TTC9C: variants seen among roughly 807,000 people sequenced by gnomAD.
The protein encoded by TTC9C is tetratricopeptide repeat protein 9C.
Under a neutral mutation model 22.5 loss-of-function variants are expected in TTC9C, and 15 were observed. The ratio of observed to expected loss-of-function variants is 0.67; its 90% CI spans 0.45 to 1.03. TTC9C has a LOEUF of 1.03. Among genes scored for constraint, TTC9C ranks in the 50% least tolerant of loss-of-function variants. The pLI, the probability that TTC9C is intolerant of heterozygous loss-of-function variation, is 0.00. For synonymous variants in TTC9C, 92 were observed against 86.8 expected (o/e 1.06, Z -0.33); for missense variants, 244 against 214.6 (o/e 1.14, Z -0.86).
At chr11:62,733,128 G>C (rs1194703937) in intron 1 of TTC9C, 5 of 1,288,146 alleles carry the variant, frequency 3.9e-6, no homozygotes, top group Non-Finnish European at 5.1e-6. Flanking sequence ...TTGTGAAATA[G>C]GGAGTGTTTC....
intron 1 of TTC9C, among the ~76,000 whole-genome samples, chr11:62,734,277 G>A (rs751076704): frequency 4.0e-5 from 6 of 151,668 alleles, no homozygotes; most frequent in Admixed American, 1.3e-4. Flanking sequence ...CAGCCTGGGC[G>A]ACAGAGCGAG....
rs958270759 is a variant in TTC9C at position 62,729,054 on chromosome 11, C to A, written c.206C>A (p.Thr69Asn). 2.5e-6 allele frequency: 4 copies of A among 1,613,992 alleles called. No homozygotes were observed. The African/African-American group carries it at 5.3e-5, about 22-fold the overall frequency. The change falls in exon 1 of 3, where the codon ACC becomes AAC. Residue 69 changes from threonine to asparagine, a missense_variant. Physicochemically the swap from Thr to Asn is moderately conservative, Grantham distance 65. Coordinates refer to ENST00000316461, the MANE Select transcript of TTC9C (RefSeq NM_173810.4). The stretch of plus-strand genomic sequence containing the variant: ...CCTGAACAAGAAAACATATTGCATA[C>A]CACCCAGACAGACTGCTATAACAAT... ...LTPEQENILH[T>N]TQTDCYNNLA...
In TTC9C at chr11:62,738,344, A is replaced by G; in HGVS notation, c.478A>G (p.Arg160Gly). The G allele has an allele frequency of 6.2e-7, 1 of 1,613,194 alleles. No individual in the cohort carries two copies. The highest frequency in any genetic ancestry group is 8.5e-7 in the Non-Finnish European group (1 of 1,179,492). The change falls in exon 3 of 3, where the codon AGA becomes GGA. Residue 160 changes from arginine (R) to glycine (G), a missense_variant. Physicochemically the swap from Arg to Gly is moderately radical, Grantham distance 125. Transcript: ENST00000316461. Reference sequence around the variant, plus strand: ...ACAGTCAGAACTCAGCAGCTACCATAGAAAAGAGAAGCAGCTCTACCTGGG... The same window carrying G: ...ACAGTCAGAACTCAGCAGCTACCATGGAAAAGAGAAGCAGCTCTACCTGGG... ...LTQSELSSYH[R>G]KEKQLYLGMF... is the part of the protein sequence containing the mutation.
chr11:62,729,141 C>A, intron 1 of TTC9C, 55 bp downstream of exon 1: 1 of 1,464,486 alleles, frequency 6.8e-7, no homozygotes, highest in Non-Finnish European at 9.4e-7. Context: ...ACATGAACAT[C>A]TGTGAACATT....
chr11:62,734,155 G>A (rs992616966), intron 1 of TTC9C, among the ~76,000 whole-genome samples: 7 of 150,920 alleles, frequency 4.6e-5, no homozygotes, highest in Middle Eastern at 3.5e-3. Context: ...AAAATTAGCC[G>A]GGCATGGTGA....
In TTC9C at chr11:62,729,153, G is replaced by A. The variant is rs142117093; in HGVS notation, c.238+67G>A. ...GGAACATGAACATCTGTGAACATTG[G>A]GGGAAAAAACGCTGACTTTTTTTTT... On this transcript the variant is annotated intron_variant, in intron 1 of 2. Coordinates refer to ENST00000316461, the MANE Select transcript of TTC9C (RefSeq NM_173810.4). 323 of 1,443,104 alleles carry A rather than the reference G, an allele frequency of 2.2e-4. 1 individual carries two copies. The highest frequency in any genetic ancestry group is 3.5e-4 in the Admixed American group (17 of 48,042). The allele number at this position is 1,443,104 out of a possible 1,614,324, so 89.4% of individuals were successfully genotyped here. A position where few individuals can be genotyped will look rare whatever the true frequency, so the allele number is the denominator to read the frequency against.
At chr11:62,738,208 C>T in intron 2 of TTC9C, 80 bp from the exon 3 acceptor site, 1 of 822,328 alleles carries the variant, frequency 1.2e-6, no homozygotes, top group South Asian at 1.6e-5. Context: ...AGCATGTTAA[C>T]ATTCTCTCCT....
intron 1 of TTC9C, among the ~76,000 whole-genome samples, chr11:62,729,694 G>A (rs973374158): frequency 2.0e-5 from 3 of 151,104 alleles, no homozygotes; most frequent in Non-Finnish European, 4.4e-5. Flanking sequence ...TCCTGCCTCA[G>A]CTTCCTGAGT....
intron 1 of TTC9C, among the ~76,000 whole-genome samples, chr11:62,734,457 G>A (rs1055816215): frequency 6.6e-6 from 1 of 151,828 alleles, no homozygotes; most frequent in African/African-American, 2.4e-5. Flanking sequence ...AAAATTAGCT[G>A]GACATGGGTA....
chr11:62,730,206 G>C (rs2083831977), intron 1 of TTC9C, among the ~76,000 whole-genome samples: 1 of 152,002 alleles, frequency 6.6e-6, no homozygotes, highest in South Asian at 2.1e-4. Flanking sequence ...CTCTGGAATA[G>C]CTGGGATACA....
chr11:62,735,838 C>T (rs1434505412), intron 2 of TTC9C: 5 of 264,938 alleles, frequency 1.9e-5, no homozygotes, highest in Non-Finnish European at 3.5e-5. Flanking sequence ...ATGTCTGTTT[C>T]ATATATGTAT....
chr11:62,736,988 AG>A, intron 2 of TTC9C, among the ~76,000 whole-genome samples: 1 of 152,074 alleles, frequency 6.6e-6, no homozygotes, highest in South Asian at 2.1e-4. Flanking sequence ...ATGTGAGGCC[AG>A]GAGTTCGAGA....
chr11:62,738,495 A>C lies in TTC9C; in HGVS notation c.*113A>C. On this transcript the variant is annotated 3_prime_UTR_variant, in exon 3 of 3. Transcript: ENST00000316461. The stretch of plus-strand genomic sequence containing the variant: ...AACCCTATACCTCTGACCCAGGTGG[A>C]TTTTTGTTTCTAGTTCTGCACAAAC... The C allele has an allele frequency of 1.4e-6, 1 of 693,458 alleles. No individual in the cohort carries two copies. Among genetic ancestry groups the C allele is most frequent in the Non-Finnish European group, 2.4e-6 (1 of 414,418 alleles). The allele number at this position is 693,458 out of a possible 1,614,324, so 43.0% of individuals were successfully genotyped here.
intron 2 of TTC9C, 45 bp from the exon 3 acceptor site, chr11:62,738,242 TA>T (rs1565173972): frequency 2.4e-6 from 3 of 1,253,930 alleles, no homozygotes; most frequent in Non-Finnish European, 3.5e-6. Flanking sequence ...ATTATGGTCT[TA>T]ACTGACTCTA....
rs181147062 is a variant in TTC9C, at chr11:62,729,546, C to T, written c.238+460C>T. Among the ~76,000 whole-genome samples the T allele has an allele frequency of 4.7e-4, 71 of 151,236 alleles. No individual in the cohort carries two copies. In the East Asian group the frequency reaches 0.012, roughly 25 times the overall value. ...GCCCAGTAGCCGGGATTACAGGCGC[C>T]CGCCAGCCACCACGCCCAGCTAATT... On this transcript the variant is annotated intron_variant, in intron 1 of 2. Coordinates refer to ENST00000316461, the MANE Select transcript of TTC9C (RefSeq NM_173810.4).
In TTC9C at chr11:62,728,680, T is replaced by C. The variant is rs1206240857; in HGVS notation, c.-169T>C. The C allele has an allele frequency of 2.8e-6, 2 of 716,920 alleles. No homozygotes were observed. Among genetic ancestry groups the C allele is most frequent in the South Asian group, 3.0e-5 (2 of 67,064 alleles). 44.4% of individuals were successfully genotyped at this position (716,920 alleles called of 1,614,324 possible). A position where few individuals can be genotyped will look rare whatever the true frequency, so the allele number is the denominator to read the frequency against. On this transcript the variant is annotated 5_prime_UTR_variant, in exon 1 of 3. Transcript: ENST00000316461. ...AGACTGCAGAAAGGAGAGGTGGGGCTTTCAGTAGAAACAAGCAAACCGCAG... is the reference window on the plus strand; with the variant it reads ...AGACTGCAGAAAGGAGAGGTGGGGCCTTCAGTAGAAACAAGCAAACCGCAG...
intron 1 of TTC9C, among the ~76,000 whole-genome samples, chr11:62,729,540 A>G (rs1357475169): frequency 1.3e-5 from 2 of 148,916 alleles, no homozygotes; most frequent in African/African-American, 5.0e-5. Flanking sequence ...CCGGGATTAC[A>G]GGCGCCCGCC....
intron 1 of TTC9C, among the ~76,000 whole-genome samples, chr11:62,729,690 C>T (rs942315609): frequency 2.6e-5 from 4 of 151,760 alleles, no homozygotes; most frequent in Non-Finnish European, 4.4e-5. Context: ...ATTCTCCTGC[C>T]TCAGCTTCCT....
Position 62,731,848 on chromosome 11 carries a change from A to AT in TTC9C, c.238+2772dup, listed in dbSNP as rs956229058. ...AGGCGCCCACCACCACGCCCAGCTA[A>AT]TTTTTTTTTTGTATTTTTAGTAGAG... On this transcript the variant is annotated intron_variant, in intron 1 of 2. Transcript: ENST00000316461. Among the ~76,000 whole-genome samples the AT allele has an allele frequency of 3.8e-4, 53 of 140,042 alleles. 1 individual carries two copies. In the East Asian group the frequency reaches 7.4e-3, roughly 20 times the overall value. The allele number at this position is 140,042 out of a possible 152,430, so 91.9% of individuals were successfully genotyped here.
Sources: allele counts gnomAD v4.1 joint callset (sites outside exome capture counted in the v4.1 genomes callset), GRCh38; gene constraint gnomAD v4.1.1; transcripts MANE v1.5; gene names NCBI Gene and HGNC (gene_info 2026-07-23, HGNC 2026-07-21).